The following FANCC variants were observed in gnomAD, a reference collection of about 807,000 sequenced individuals.
FANCC encodes FA complementation group C, also known as Fanconi anemia group C protein.
A neutral mutation model predicts 71.3 loss-of-function variants in FANCC; 55 were observed. That is an observed-to-expected ratio of 0.77 (90% CI 0.62 to 0.97). FANCC has a LOEUF of 0.97. Among genes scored for constraint, FANCC ranks in the 50% least tolerant of loss-of-function variants. The probability of loss-of-function intolerance (pLI) is 0.00; values close to 1 mark genes in which losing one functional copy is unlikely to be tolerated. For missense variants in FANCC, 678 were observed against 670.9 expected (o/e 1.01, Z -0.12); for synonymous variants, 275 against 244.9 (o/e 1.12, Z -1.15).
chr9:95,216,654 GT>G (rs1386122695), intron 4 of FANCC, among the ~76,000 whole-genome samples: 1 of 152,216 alleles, frequency 6.6e-6, no homozygotes. Context: ...AAGGAAGTTT[GT>G]TTGCAGCCTA....
chr9:95,294,911 A>C, intron 1 of FANCC: 1 of 1,083,916 alleles, frequency 9.2e-7, no homozygotes, highest in Admixed American at 2.8e-5. Context: ...AATGTGGCTG[A>C]TGATGCAGTT....
chr9:95,136,946 G>A (rs1564680873), intron 7 of FANCC, among the ~76,000 whole-genome samples: 2 of 152,190 alleles, frequency 1.3e-5, no homozygotes, highest in Non-Finnish European at 2.9e-5. Flanking sequence ...CAGTAGAGCT[G>A]CCCCCGAGAG....
intron 1 of FANCC, chr9:95,292,445 G>T (rs1288234126): frequency 8.5e-7 from 1 of 1,179,164 alleles, no homozygotes; most frequent in East Asian, 3.9e-5. Context: ...CCTCGGGCCC[G>T]TGGGTGCCCC....
intron 13 of FANCC, 126 bp downstream of exon 13, chr9:95,111,337 A>T: frequency 6.3e-7 from 1 of 1,598,032 alleles, no homozygotes. Flanking sequence ...TTGCCATGAC[A>T]TATGCCATCT....
At chr9:95,243,206 A>C (rs1322929371) in intron 3 of FANCC, among the ~76,000 whole-genome samples, 1 of 152,232 alleles carries the variant, frequency 6.6e-6, no homozygotes, top group East Asian at 1.9e-4. Context: ...ATAGTGAAGA[A>C]GAGAGGTAAC....
At chr9:95,112,433 C>T (rs540977208) in intron 12 of FANCC, among the ~76,000 whole-genome samples, 3 of 152,292 alleles carry the variant, frequency 2.0e-5, no homozygotes, top group African/African-American at 7.2e-5. Context: ...GCACTGTCCT[C>T]GCCTCCCTGG....
At chr9:95,258,667 A>G (rs1313652314) in intron 1 of FANCC, among the ~76,000 whole-genome samples, 2 of 152,208 alleles carry the variant, frequency 1.3e-5, no homozygotes, top group African/African-American at 2.4e-5. Flanking sequence ...CCTGTTCAAC[A>G]TAGTATCGGA....
chr9:95,106,915 C>T, intron 14 of FANCC, 151 bp downstream of exon 14: 1 of 765,388 alleles, frequency 1.3e-6, no homozygotes, highest in Non-Finnish European at 2.2e-6. Flanking sequence ...CTCTGGGGTC[C>T]ATCCCAGCTG....
At position 95,284,101 on chromosome 9, in the gene FANCC, A is replaced by C. The variant is rs1833532668; in HGVS notation, c.-79+33425T>G. 2.6e-5 allele frequency among the ~76,000 whole-genome samples: 4 copies of C among 152,238 alleles called. No individual in the cohort carries two copies. In the South Asian group the frequency reaches 8.3e-4, roughly 32 times the overall value. ...TTATTGTATTTCTAAGTAGAAACCA[A>C]TGTCTTTCTCCAAGAGTCCTCTACT... On this transcript the variant is annotated intron_variant, in intron 1 of 14. Coordinates refer to ENST00000289081, the MANE Select transcript of FANCC (RefSeq NM_000136.3).
intron 6 of FANCC, among the ~76,000 whole-genome samples, chr9:95,169,736 A>G (rs1825542291): frequency 6.6e-6 from 1 of 152,224 alleles, no homozygotes; most frequent in Admixed American, 6.5e-5. Flanking sequence ...TGTAGTTCTC[A>G]CTATAATTTT....
chr9:95,306,069 A>G (rs1235330683), intron 1 of FANCC, among the ~76,000 whole-genome samples: 1 of 152,208 alleles, frequency 6.6e-6, no homozygotes, highest in African/African-American at 2.4e-5. Flanking sequence ...AACATGTTGT[A>G]CTGATCAACA....
At chr9:95,220,650 T>C (rs1588302091) in intron 4 of FANCC, among the ~76,000 whole-genome samples, 1 of 151,800 alleles carries the variant, frequency 6.6e-6, no homozygotes, top group Non-Finnish European at 1.5e-5. Context: ...TTCTCACTCA[T>C]AGGTGGGAAT....
intron 4 of FANCC, among the ~76,000 whole-genome samples, chr9:95,196,435 C>T (rs755532618): frequency 6.6e-6 from 1 of 152,042 alleles, no homozygotes; most frequent in African/African-American, 2.4e-5. Flanking sequence ...TGAGTCTTAA[C>T]GCTAATATCT....
At chr9:95,138,210 G>A (rs1588142998) in intron 7 of FANCC, among the ~76,000 whole-genome samples, 1 of 152,250 alleles carries the variant, frequency 6.6e-6, no homozygotes, top group East Asian at 1.9e-4. Context: ...TGAAGCCAGG[G>A]CGGCTGAGGT....
chr9:95,107,102 A>C lies in FANCC; in HGVS notation c.1497T>G (p.Pro499=). 1 of 1,614,226 alleles carries C rather than the reference A, an allele frequency of 6.2e-7. No homozygotes were observed. The highest frequency in any genetic ancestry group is 8.5e-7 in the Non-Finnish European group (1 of 1,180,042). Residue 499 remains proline, a synonymous_variant, in exon 14 of 15, where the codon CCT becomes CCG. Coordinates refer to ENST00000289081, the MANE Select transcript of FANCC (RefSeq NM_000136.3). ...HLLLNFLLWA[P]GGHTIAWDVI... ...CATCCCAGGCGATCGTGTGGCCTCC[A>C]GGAGCCCAGAGCAGGAAGTTGAGGA...
At chr9:95,156,811 AC>A (rs746591192) in intron 6 of FANCC, among the ~76,000 whole-genome samples, 1 of 152,212 alleles carries the variant, frequency 6.6e-6, no homozygotes, top group Non-Finnish European at 1.5e-5. Flanking sequence ...GCTGTCAACC[AC>A]GCTGCAGCCA....
chr9:95,123,869 G>A (rs1588094379), intron 10 of FANCC: 1 of 574,408 alleles, frequency 1.7e-6, no homozygotes, highest in East Asian at 3.7e-5. Flanking sequence ...GCCCACGTAA[G>A]GAGTTGAGTC....
At chr9:95,118,070 G>C (rs976383092) in intron 10 of FANCC, among the ~76,000 whole-genome samples, 1 of 152,062 alleles carries the variant, frequency 6.6e-6, no homozygotes, top group Non-Finnish European at 1.5e-5. Flanking sequence ...GCAGGCTGGA[G>C]TGCAGAGGCA....
chr9:95,162,513 T>C (rs1379403323), intron 6 of FANCC, among the ~76,000 whole-genome samples: 2 of 152,200 alleles, frequency 1.3e-5, no homozygotes, highest in African/African-American at 4.8e-5. Context: ...TATTTTTAAT[T>C]TTTTAAGGAA....
Sources: allele counts gnomAD v4.1 joint callset (sites outside exome capture counted in the v4.1 genomes callset), GRCh38; gene constraint gnomAD v4.1.1; transcripts MANE v1.5; gene names NCBI Gene and HGNC (gene_info 2026-07-23, HGNC 2026-07-21).